ACTL8: variants seen among roughly 807,000 people sequenced by gnomAD.
ACTL8 encodes the protein actin-like protein 8.
In ACTL8, 3 loss-of-function variants were observed where a neutral mutation model predicts 9.3. That is an observed-to-expected ratio of 0.32 (90% CI 0.15 to 0.83). The LOEUF (loss-of-function observed/expected upper bound fraction) is 0.83. Among genes scored for constraint, ACTL8 ranks in the 40% least tolerant of loss-of-function variants. The probability of loss-of-function intolerance (pLI) is 0.57; values close to 1 mark genes in which losing one functional copy is unlikely to be tolerated. For missense variants in ACTL8, 381 were observed against 492.2 expected (o/e 0.77, Z 2.14); for synonymous variants, 224 against 205.9 (o/e 1.09, Z -0.75).
At chr1:17,772,109 C>T (rs1220407657) in intron 1 of ACTL8, among the ~76,000 whole-genome samples, 1 of 152,164 alleles carries the variant, frequency 6.6e-6, no homozygotes, top group African/African-American at 2.4e-5. Context: ...TGAGGCTGAG[C>T]TCTGCTGGGT....
intron 1 of ACTL8, among the ~76,000 whole-genome samples, chr1:17,770,797 A>G (rs1418552469): frequency 6.6e-6 from 1 of 152,200 alleles, no homozygotes; most frequent in African/African-American, 2.4e-5. Context: ...TAGTCAGGAA[A>G]GGGAAGTGGC....
intron 1 of ACTL8, among the ~76,000 whole-genome samples, chr1:17,779,076 G>A (rs866572891): frequency 4.6e-5 from 7 of 152,180 alleles, no homozygotes; most frequent in South Asian, 4.2e-4. Flanking sequence ...CTCTTTCTCT[G>A]CCTCTCCAGC....
At chr1:17,795,881 G>A (rs1243651959) in intron 1 of ACTL8, among the ~76,000 whole-genome samples, 3 of 152,146 alleles carry the variant, frequency 2.0e-5, no homozygotes, top group African/African-American at 4.8e-5. Context: ...AGATGAGCTC[G>A]GGCATTTCCA....
chr1:17,812,578 C>T (rs537844694), intron 1 of ACTL8, among the ~76,000 whole-genome samples: 53 of 149,956 alleles, frequency 3.5e-4, no homozygotes, highest in Middle Eastern at 3.4e-3. Context: ...TACAGGCGTA[C>T]GCCACCACGC....
At chr1:17,760,298 G>C (rs1420474495) in intron 1 of ACTL8, among the ~76,000 whole-genome samples, 1 of 152,162 alleles carries the variant, frequency 6.6e-6, no homozygotes, top group Non-Finnish European at 1.5e-5. Context: ...AGGAGTGAAT[G>C]GGAGGGGAGA....
At chr1:17,772,748 G>A (rs1570000104) in intron 1 of ACTL8, among the ~76,000 whole-genome samples, 1 of 152,296 alleles carries the variant, frequency 6.6e-6, no homozygotes. Context: ...CATTTGACCA[G>A]TAAGTCCCAC....
At chr1:17,774,794 C>T (rs910509974) in intron 1 of ACTL8, among the ~76,000 whole-genome samples, 33 of 152,136 alleles carry the variant, frequency 2.2e-4, no homozygotes, top group African/African-American at 7.0e-4. Context: ...AGGCACCTGA[C>T]CCCTGGAGCC....
chr1:17,808,387 C>T (rs2066372561), intron 1 of ACTL8, among the ~76,000 whole-genome samples: 1 of 152,198 alleles, frequency 6.6e-6, no homozygotes, highest in Non-Finnish European at 1.5e-5. Flanking sequence ...TTATTTTCAT[C>T]TGAAGACTAC....
chr1:17,799,856 C>G (rs1288856754), intron 1 of ACTL8, among the ~76,000 whole-genome samples: 1 of 124,742 alleles, frequency 8.0e-6, no homozygotes, highest in Admixed American at 9.5e-5. Context: ...CATCCTTTTT[C>G]CTCCGGTTTC....
chr1:17,771,859 A>C (rs899168128), intron 1 of ACTL8, among the ~76,000 whole-genome samples: 1 of 152,172 alleles, frequency 6.6e-6, no homozygotes, highest in African/African-American at 2.4e-5. Context: ...AGCACCATCA[A>C]GGCTAATGGA....
intron 2 of ACTL8, among the ~76,000 whole-genome samples, chr1:17,824,429 G>T (rs2053694842): frequency 6.6e-6 from 1 of 152,192 alleles, no homozygotes; most frequent in Non-Finnish European, 1.5e-5. Context: ...CAGGAATTCT[G>T]ATATTTAGGG....
At chr1:17,779,897 A>C (rs1191925857) in intron 1 of ACTL8, among the ~76,000 whole-genome samples, 1 of 152,162 alleles carries the variant, frequency 6.6e-6, no homozygotes, top group African/African-American at 2.4e-5. Context: ...ACTACAGTCC[A>C]TGAATCCATA....
At chr1:17,780,527 G>C (rs918395883) in intron 1 of ACTL8, among the ~76,000 whole-genome samples, 2 of 152,170 alleles carry the variant, frequency 1.3e-5, no homozygotes, top group African/African-American at 4.8e-5. Flanking sequence ...TAAGACCGTG[G>C]AAAACAAATT....
rs754383232 is a variant in ACTL8 at position 17,823,065 on chromosome 1, G to A, written c.57G>A (p.Thr19=). ...GGTCTGGCTTTTTGAAGGCTGGCAC[G>A]GCCGGCTGGAATGAGCCTCAGATGG... ...DHGSGFLKAG[T]AGWNEPQMVF... Residue 19 remains threonine (T), a synonymous_variant, in exon 2 of 3, where the codon ACG becomes ACA. Transcript: ENST00000375406. This position sits in a 1 kb window ranked among gnomAD's most constrained non-coding sequence, Gnocchi z 5.3. 1.5e-5 allele frequency: 25 copies of A among 1,614,064 alleles called. No individual in the cohort carries two copies. The highest frequency in any genetic ancestry group is 1.7e-5 in the Non-Finnish European group (20 of 1,180,040).
At chr1:17,779,881 G>T (rs1482320737) in intron 1 of ACTL8, among the ~76,000 whole-genome samples, 1 of 152,160 alleles carries the variant, frequency 6.6e-6, no homozygotes, top group Non-Finnish European at 1.5e-5. Flanking sequence ...AAGCACTAAG[G>T]AATCTACTAC....
chr1:17,774,595 C>T (rs2066106017), intron 1 of ACTL8, among the ~76,000 whole-genome samples: 1 of 152,072 alleles, frequency 6.6e-6, no homozygotes, highest in African/African-American at 2.4e-5. Flanking sequence ...GAAGGGTGTT[C>T]AGGCAGCAGG....
intron 1 of ACTL8, among the ~76,000 whole-genome samples, chr1:17,772,902 A>C (rs966473985): frequency 1.4e-5 from 2 of 142,482 alleles, no homozygotes; most frequent in Non-Finnish European, 3.2e-5. Flanking sequence ...CCTTAGAGCA[A>C]AGAGGAAAGG....
intron 1 of ACTL8, among the ~76,000 whole-genome samples, chr1:17,766,181 CT>C (rs1324000046): frequency 1.3e-5 from 2 of 152,166 alleles, no homozygotes; most frequent in Non-Finnish European, 2.9e-5. Context: ...TGAACCCTGG[CT>C]TTTTGACTTT....
intron 1 of ACTL8, among the ~76,000 whole-genome samples, chr1:17,770,801 A>G (rs962627277): frequency 6.6e-6 from 1 of 152,128 alleles, no homozygotes; most frequent in African/African-American, 2.4e-5. Context: ...CAGGAAAGGG[A>G]AGTGGCTCCA....
Sources: allele counts gnomAD v4.1 joint callset (sites outside exome capture counted in the v4.1 genomes callset), GRCh38; gene constraint gnomAD v4.1.1; non-coding constraint Gnocchi (gnomAD v3.1); transcripts MANE v1.5; gene names NCBI Gene and HGNC (gene_info 2026-07-23, HGNC 2026-07-21).